LPAR3: variants seen among roughly 807,000 people sequenced by gnomAD.
LPAR3 encodes LPA receptor 3.
A neutral mutation model predicts 17.8 loss-of-function variants in LPAR3; 7 were observed. The observed-to-expected ratio is 0.39, with a 90% CI of 0.22 to 0.74. LPAR3 has a LOEUF of 0.74. Ranked by LOEUF, LPAR3 falls within the 30% of genes least tolerant of loss-of-function variation. The pLI is 0.40. For missense variants in LPAR3, 391 were observed against 453.4 expected (o/e 0.86, Z 1.25); for synonymous variants, 179 against 179.9 (o/e 0.99, Z 0.04).
intron 2 of LPAR3, among the ~76,000 whole-genome samples, chr1:84,825,129 T>C (rs1183732205): frequency 6.6e-6 from 1 of 152,156 alleles, no homozygotes; most frequent in Non-Finnish European, 1.5e-5. Context: ...CATTTGATGG[T>C]TGTGGGGTTC....
intron 1 of LPAR3, among the ~76,000 whole-genome samples, chr1:84,870,745 A>C (rs1660144471): frequency 6.6e-6 from 1 of 152,198 alleles, no homozygotes; most frequent in Non-Finnish European, 1.5e-5. Context: ...GCCTAAGGTT[A>C]CACAGCTAGG....
At chr1:84,825,144 A>G (rs1409213) in intron 2 of LPAR3, among the ~76,000 whole-genome samples, 44,468 of 152,058 alleles carry the variant, frequency 0.29, 7,132 homozygotes, top group East Asian at 0.55. Context: ...GGGTTCTCTC[A>G]TAGCTTCCTT....
At position 84,865,866 on chromosome 1, in the gene LPAR3, G is replaced by T. The variant is rs879148033; in HGVS notation, c.255C>A (p.Phe85Leu). The T allele has an allele frequency of 1.2e-6, 2 of 1,614,028 alleles. No homozygotes were observed. Among genetic ancestry groups the T allele is most frequent in the South Asian group, 1.1e-5 (1 of 91,080 alleles). ...ADFFAGIAYV[F>L]LMFNTGPVSK... is the part of the protein sequence containing the mutation. ...AAACTGGGCCTGTGTTAAACATCAG[G>T]AATACATAGGCAATTCCAGCGAAGA... is the stretch of plus-strand genomic sequence containing the variant. The change falls in exon 2 of 3, where the codon TTC becomes TTA. Residue 85 changes from phenylalanine to leucine, a missense_variant. Physicochemically the swap from Phe to Leu is conservative, Grantham distance 22 (BLOSUM62 0). Transcript: ENST00000370611.
intron 2 of LPAR3, among the ~76,000 whole-genome samples, chr1:84,814,494 C>A (rs946784186): frequency 6.6e-6 from 1 of 152,200 alleles, no homozygotes; most frequent in African/African-American, 2.4e-5. Flanking sequence ...TTCTCTGAAC[C>A]ACACTGGGAG....
intron 1 of LPAR3, among the ~76,000 whole-genome samples, chr1:84,889,560 T>G (rs1660517581): frequency 6.6e-6 from 1 of 152,206 alleles, no homozygotes; most frequent in Admixed American, 6.5e-5. Context: ...TTCGATCATG[T>G]AGTGTTGGGT....
In LPAR3 at chr1:84,888,869, G is replaced by C. The variant is rs540075606; in HGVS notation, c.-19+4147C>G. Among the ~76,000 whole-genome samples the C allele has an allele frequency of 3.3e-5, 5 of 152,294 alleles. No homozygotes were observed. In the East Asian group the frequency reaches 9.6e-4, roughly 29 times the overall value. On this transcript the variant is annotated intron_variant, in intron 1 of 2. Transcript: ENST00000370611. ...GTCCCAGGGAACAATGTAGACACAG[G>C]ACTAGCTGATGAGTAATTAGAGGGG...
chr1:84,834,295 T>G (rs1304674180), intron 2 of LPAR3, among the ~76,000 whole-genome samples: 2 of 152,170 alleles, frequency 1.3e-5, no homozygotes, highest in Admixed American at 6.6e-5. Flanking sequence ...GAGTAAATGA[T>G]CAAATGAGTG....
At chr1:84,850,393 CAAAAA>C (rs561506398) in intron 2 of LPAR3, among the ~76,000 whole-genome samples, 4 of 38,746 alleles carry the variant, frequency 1.0e-4, no homozygotes, top group East Asian at 1.9e-3. Context: ...TCTGTCTCTA[CAAAAA>C]AAAAAAAAAA....
At chr1:84,885,393 T>C (rs1660441363) in intron 1 of LPAR3, among the ~76,000 whole-genome samples, 1 of 152,200 alleles carries the variant, frequency 6.6e-6, no homozygotes, top group South Asian at 2.1e-4. Flanking sequence ...TTGGCAAGAA[T>C]GTGGGGAAAA....
chr1:84,852,742 G>A (rs938617159), intron 2 of LPAR3, among the ~76,000 whole-genome samples: 4 of 152,142 alleles, frequency 2.6e-5, no homozygotes, highest in Non-Finnish European at 5.9e-5. Context: ...GGTCAGAAAT[G>A]GGAGAGACTG....
At chr1:84,884,718 T>C (rs980729755) in intron 1 of LPAR3, among the ~76,000 whole-genome samples, 5 of 152,204 alleles carry the variant, frequency 3.3e-5, no homozygotes, top group Non-Finnish European at 5.9e-5. Flanking sequence ...ACAGACCTCA[T>C]TGTCTGTCTG....
At chr1:84,831,867 T>G (rs985669945) in intron 2 of LPAR3, among the ~76,000 whole-genome samples, 4 of 150,110 alleles carry the variant, frequency 2.7e-5, no homozygotes. Context: ...ATCATACATA[T>G]ATGATATACA....
chr1:84,830,590 G>C (rs143213244), intron 2 of LPAR3, among the ~76,000 whole-genome samples: 1 of 152,280 alleles, frequency 6.6e-6, no homozygotes, highest in East Asian at 1.9e-4. Flanking sequence ...TGGCCAGCTA[G>C]ACTGAGAGCA....
intron 2 of LPAR3, among the ~76,000 whole-genome samples, chr1:84,843,472 C>A (rs1659544299): frequency 6.6e-6 from 1 of 152,186 alleles, no homozygotes; most frequent in African/African-American, 2.4e-5. Flanking sequence ...GAAGGACTTG[C>A]CAGTCATGAA....
chr1:84,817,070 G>A (rs1159372858), intron 2 of LPAR3, among the ~76,000 whole-genome samples: 1 of 152,002 alleles, frequency 6.6e-6, no homozygotes, highest in Non-Finnish European at 1.5e-5. Context: ...ATTCATATTT[G>A]TTAATGCTGA....
At chr1:84,830,612 GA>G (rs1010147739) in intron 2 of LPAR3, among the ~76,000 whole-genome samples, 1 of 152,200 alleles carries the variant, frequency 6.6e-6, no homozygotes, top group Non-Finnish European at 1.5e-5. Context: ...CTCAAGGGCA[GA>G]AACACTGCCA....
chr1:84,866,760 A>G (rs567761337), intron 1 of LPAR3, among the ~76,000 whole-genome samples: 1 of 152,318 alleles, frequency 6.6e-6, no homozygotes, highest in Non-Finnish European at 1.5e-5. Flanking sequence ...TCCTTTTGCC[A>G]TCTTTTGGTT....
At chr1:84,832,875 A>G (rs1461947021) in intron 2 of LPAR3, among the ~76,000 whole-genome samples, 1 of 152,234 alleles carries the variant, frequency 6.6e-6, no homozygotes, top group Non-Finnish European at 1.5e-5. Context: ...AAACCACATT[A>G]TGTCACAGTT....
chr1:84,836,959 C>T (rs183837636), intron 2 of LPAR3, among the ~76,000 whole-genome samples: 1 of 151,762 alleles, frequency 6.6e-6, no homozygotes, highest in East Asian at 1.9e-4. Flanking sequence ...GTTAGTATAC[C>T]CAAAAGCCTT....
Sources: allele counts gnomAD v4.1 joint callset (sites outside exome capture counted in the v4.1 genomes callset), GRCh38; gene constraint gnomAD v4.1.1; transcripts MANE v1.5; gene names NCBI Gene and HGNC (gene_info 2026-07-23, HGNC 2026-07-21).